The following RASA3 variants were observed in gnomAD, a reference collection of about 807,000 sequenced individuals.
RASA3 encodes RAS p21 protein activator 3.
Under a neutral mutation model 110.0 loss-of-function variants are expected in RASA3, and 73 were observed. The ratio of observed to expected loss-of-function variants is 0.66; its 90% CI spans 0.55 to 0.81. RASA3 has a LOEUF of 0.81. Ranked by LOEUF, RASA3 falls within the 30% of genes least tolerant of loss-of-function variation. The pLI, the probability that RASA3 is intolerant of heterozygous loss-of-function variation, is 0.00. For missense variants in RASA3, 976 were observed against 1,113.2 expected, an observed-to-expected ratio of 0.88 and a Z score of 1.75; for synonymous variants, 500 against 451.4, an observed-to-expected ratio of 1.11 and a Z score of -1.37.
rs1429054614 is a variant in RASA3 at position 114,009,400 on chromosome 13, T to G, written c.1655A>C (p.Asp552Ala). Reference protein sequence around the residue: ...YEFFNEQKYADAVKNFLDLIS... With the variant: ...YEFFNEQKYAAAVKNFLDLIS... The stretch of plus-strand genomic sequence containing the variant: ...GTCGATACTTACGTTCTTCACCGCA[T>G]CAGCATATTTCTGCTCATTGAAGAA... The change falls in exon 17 of 24, where the codon GAT becomes GCT. Residue 552 changes from aspartate to alanine, a missense_variant. Asp to Ala is a moderately radical substitution (Grantham distance 126). Coordinates refer to ENST00000334062, the MANE Select transcript of RASA3 (RefSeq NM_007368.4). 2 of 1,611,956 alleles carry G rather than the reference T, an allele frequency of 1.2e-6. No individual in the cohort carries two copies. The highest frequency in any genetic ancestry group is 3.3e-5 in the Admixed American group (2 of 59,992).
At chr13:114,028,224 TA>T (rs768820667) in intron 5 of RASA3, among the ~76,000 whole-genome samples, 1 of 150,964 alleles carries the variant, frequency 6.6e-6, no homozygotes, top group Non-Finnish European at 1.5e-5. Context: ...GCAGGACCCC[TA>T]AAACAGTGTC....
At chr13:114,021,278 A>C (rs2053922360) in intron 9 of RASA3, 126 bp downstream of exon 9, 1 of 742,304 alleles carries the variant, frequency 1.3e-6, no homozygotes, top group African/African-American at 1.7e-5. Context: ...GCAAAGTAAG[A>C]GCAGGTGGGT....
chr13:114,087,621 C>T (rs1363574103), intron 1 of RASA3, among the ~76,000 whole-genome samples: 3 of 152,338 alleles, frequency 2.0e-5, no homozygotes, highest in East Asian at 1.9e-4. Context: ...CCAGCAGGAA[C>T]GAGCCTGCCT....
At chr13:114,110,268 C>A (rs1294044910) in intron 1 of RASA3, among the ~76,000 whole-genome samples, 2 of 152,230 alleles carry the variant, frequency 1.3e-5, no homozygotes, top group African/African-American at 4.8e-5. Context: ...GCTTACATGG[C>A]TGCCAGGACC....
At chr13:113,999,372 G>A (rs913234766) in intron 20 of RASA3, among the ~76,000 whole-genome samples, 1 of 152,094 alleles carries the variant, frequency 6.6e-6, no homozygotes, top group Non-Finnish European at 1.5e-5. Context: ...CCACCCCGGT[G>A]ACCCCGGGCA....
At chr13:113,997,948 T>C (rs1382155514) in intron 20 of RASA3, among the ~76,000 whole-genome samples, 3 of 152,166 alleles carry the variant, frequency 2.0e-5, no homozygotes, top group South Asian at 2.1e-4. Flanking sequence ...TGATCCCCCA[T>C]GGAGGGCGTC....
At chr13:114,007,736 G>T in intron 17 of RASA3, 130 bp from the exon 18 acceptor site, 2 of 765,724 alleles carry the variant, frequency 2.6e-6, no homozygotes, top group Non-Finnish European at 4.5e-6. Context: ...CTGGGCAAGT[G>T]AGTCCTTCCC....
chr13:114,062,289 T>G (rs1763743340), intron 2 of RASA3, among the ~76,000 whole-genome samples: 1 of 151,954 alleles, frequency 6.6e-6, no homozygotes, highest in Non-Finnish European at 1.5e-5. Flanking sequence ...AACAACAAAT[T>G]GCTTTTTTTT....
chr13:114,051,051 C>T (rs947510133), intron 3 of RASA3, among the ~76,000 whole-genome samples: 4 of 152,224 alleles, frequency 2.6e-5, no homozygotes, highest in Non-Finnish European at 4.4e-5. Flanking sequence ...GAGCAGCGAG[C>T]GTCAGATGGA....
At chr13:114,020,506 A>G (rs1003956769) in intron 9 of RASA3, among the ~76,000 whole-genome samples, 2 of 152,188 alleles carry the variant, frequency 1.3e-5, no homozygotes, top group African/African-American at 4.8e-5. Flanking sequence ...GGTTTCTGGG[A>G]TGGAAACCTG....
Position 114,115,707 on chromosome 13 carries a change from G to A in RASA3, c.55+16728C>T, listed in dbSNP as rs953128920. ...CAAACGCTCTCTAACCGGTCCAGAGGTCAGAAACAGCCGCAGTCTCCTACC... is the reference window on the plus strand; with the variant it reads ...CAAACGCTCTCTAACCGGTCCAGAGATCAGAAACAGCCGCAGTCTCCTACC... On this transcript the variant is annotated intron_variant, in intron 1 of 23. Coordinates refer to ENST00000334062, the MANE Select transcript of RASA3 (RefSeq NM_007368.4). The surrounding 1 kb of genome is among the most constrained non-coding windows in gnomAD (Gnocchi z 5.0). Among the ~76,000 whole-genome samples, 1 of 152,140 alleles carries A rather than the reference G, an allele frequency of 6.6e-6. No individual in the cohort carries two copies. Among genetic ancestry groups the A allele is most frequent in the African/African-American group, 2.4e-5 (1 of 41,414 alleles).
chr13:113,994,337 ATATT>A (rs2053185989), intron 21 of RASA3, among the ~76,000 whole-genome samples: 1 of 152,184 alleles, frequency 6.6e-6, no homozygotes, highest in Non-Finnish European at 1.5e-5. Context: ...GTTCAACCAT[ATATT>A]TATGCTGTCT....
In RASA3 at chr13:114,056,644, T is replaced by C; in HGVS notation, c.174-4489A>G. 1 of 985,312 alleles carries C rather than the reference T, an allele frequency of 1.0e-6. No individual in the cohort carries two copies. Among genetic ancestry groups the C allele is most frequent in the African/African-American group, 1.7e-5 (1 of 57,296 alleles). The allele number at this position is 985,312 out of a possible 1,614,324, so 61.0% of individuals were successfully genotyped here. On this transcript the variant is annotated intron_variant, in intron 2 of 23. Coordinates refer to ENST00000334062, the MANE Select transcript of RASA3 (RefSeq NM_007368.4). The surrounding 1 kb of genome is among the most constrained non-coding windows in gnomAD (Gnocchi z 5.7). The stretch of plus-strand genomic sequence containing the variant: ...ACCTGGGAGGGTCCCGTGAGGCTTC[T>C]GGTGGTGCTGACAGCTGTCCGTGGA...
chr13:114,131,544 G>A (rs936095401), intron 1 of RASA3, among the ~76,000 whole-genome samples: 1 of 152,150 alleles, frequency 6.6e-6, no homozygotes, highest in African/African-American at 2.4e-5. Flanking sequence ...AACGCCTCCG[G>A]GAGCCCACTT....
chr13:114,056,502 T>G lies in RASA3; in HGVS notation c.174-4347A>C, dbSNP rs1266863267. ...CTGAGAGTGCGGCGTCCCTGGGCGC[T>G]GCCCGGTAGCGGGGTGTTCAGTTGC... On this transcript the variant is annotated intron_variant, in intron 2 of 23. Coordinates refer to ENST00000334062, the MANE Select transcript of RASA3 (RefSeq NM_007368.4). The surrounding 1 kb of genome is among the most constrained non-coding windows in gnomAD (Gnocchi z 5.7). 1.0e-6 allele frequency: 1 copy of G among 985,096 alleles called. No individual in the cohort carries two copies. The highest frequency in any genetic ancestry group is 1.1e-4 in the East Asian group (1 of 8,760). 61.0% of individuals were successfully genotyped at this position (985,096 alleles called of 1,614,324 possible).
rs2079254827 is a variant in RASA3 at position 114,056,884 on chromosome 13, C to G, written c.174-4729G>C. 6.6e-6 allele frequency among the ~76,000 whole-genome samples: 1 copy of G among 152,200 alleles called. No individual in the cohort carries two copies. The highest frequency in any genetic ancestry group is 1.5e-5 in the Non-Finnish European group (1 of 68,034). Reference sequence around the variant, plus strand: ...GGGGAGCAAGACCTCCTCCAGCCTCCACCCAGGAATTTCTCCAGCAATGGC... The same window carrying G: ...GGGGAGCAAGACCTCCTCCAGCCTCGACCCAGGAATTTCTCCAGCAATGGC... On this transcript the variant is annotated intron_variant, in intron 2 of 23. Transcript: ENST00000334062. The surrounding 1 kb of genome is among the most constrained non-coding windows in gnomAD (Gnocchi z 5.7).
chr13:114,015,248 A>T lies in RASA3; in HGVS notation c.1366T>A (p.Phe456Ile), dbSNP rs370722435. The change falls in exon 14 of 24, where the codon TTC becomes ATC. Residue 456 changes from phenylalanine to isoleucine, a missense_variant. This residue lies in a region of RASA3 where 732 missense variants were observed against 779.7 expected (regional missense o/e 0.94). Transcript: ENST00000334062. ...GCCGCCGCCTCCCGGAGGGAGAAGA[A>T]GATGTCACACATGACGGTCGGGCAG... ...VSCPTVMCDI[F>I]FSLREAAAKR... The T allele has an allele frequency of 9.3e-6, 15 of 1,613,062 alleles. No individual in the cohort carries two copies. Among genetic ancestry groups the T allele is most frequent in the Admixed American group, 5.0e-5 (3 of 60,002 alleles).
chr13:113,996,047 A>ACGGGGGGCCCGGC (rs2053246779), intron 21 of RASA3, among the ~76,000 whole-genome samples: 2 of 38,740 alleles, frequency 5.2e-5, no homozygotes, highest in Non-Finnish European at 9.2e-5. Flanking sequence ...GGCCCGGCTG[A>ACGGGGGGCCCGGC]TGGGGGGGCC....
chr13:114,113,314 C>A (rs2080241644), intron 1 of RASA3, among the ~76,000 whole-genome samples: 1 of 152,204 alleles, frequency 6.6e-6, no homozygotes, highest in South Asian at 2.1e-4. Flanking sequence ...GGCAGATGCA[C>A]CTGTGGCTTG....
Sources: gnomAD v4.1 joint callset for allele counts (sites outside exome capture counted in the v4.1 genomes callset) on GRCh38, gnomAD v4.1.1 for gene constraint, gnomAD v4.1.1 regional missense constraint, Gnocchi (gnomAD v3.1) non-coding constraint, MANE v1.5 for transcripts, NCBI Gene and HGNC (gene_info 2026-07-23, HGNC 2026-07-21) for gene names.